Variants in FSTL5 observed in about 807,000 individuals in gnomAD.
FSTL5 encodes the protein follistatin-related protein 5.
A neutral mutation model predicts 89.1 loss-of-function variants in FSTL5; 62 were observed. That is an observed-to-expected ratio of 0.70 (90% confidence interval 0.57 to 0.86). The LOEUF (loss-of-function observed/expected upper bound fraction) is 0.86, where lower values mean the gene tolerates loss of function less well. FSTL5 is among the 40% of genes least tolerant of loss of function. The pLI, the probability that FSTL5 is intolerant of heterozygous loss-of-function variation, is 0.00. For missense variants in FSTL5, 1,057 were observed against 1,001.6 expected, an observed-to-expected ratio of 1.06 and a Z score of -0.75; for synonymous variants, 383 against 346.2, an observed-to-expected ratio of 1.11 and a Z score of -1.18.
chr4:161,892,189 G>T (rs1338588147), intron 4 of FSTL5, among the ~76,000 whole-genome samples: 1 of 151,890 alleles, frequency 6.6e-6, no homozygotes, highest in Non-Finnish European at 1.5e-5. Context: ...ACAACTATCA[G>T]CTTCAACCTC....
intron 15 of FSTL5, among the ~76,000 whole-genome samples, chr4:161,441,401 G>T (rs1732757379): frequency 6.6e-6 from 1 of 151,996 alleles, no homozygotes; most frequent in African/African-American, 2.4e-5. Context: ...ATAAAGTTCA[G>T]TTTACAAAAA....
chr4:161,500,425 T>C (rs988957942), intron 11 of FSTL5, among the ~76,000 whole-genome samples: 4 of 152,166 alleles, frequency 2.6e-5, no homozygotes, highest in Non-Finnish European at 5.9e-5. Flanking sequence ...TCTTGATACA[T>C]AGATTATCTT....
chr4:161,392,146 A>G (rs1443403843), intron 15 of FSTL5, among the ~76,000 whole-genome samples: 1 of 152,194 alleles, frequency 6.6e-6, no homozygotes, highest in African/African-American at 2.4e-5. Flanking sequence ...CCAGTTGCTT[A>G]ACAGGATTAG....
At chr4:161,585,521 TAA>T (rs1383268441) in intron 8 of FSTL5, among the ~76,000 whole-genome samples, 1 of 131,360 alleles carries the variant, frequency 7.6e-6, no homozygotes, top group African/African-American at 2.9e-5. Flanking sequence ...GGAATGAGGA[TAA>T]GAGATAAAAG....
intron 8 of FSTL5, among the ~76,000 whole-genome samples, chr4:161,570,495 G>T (rs185379254): frequency 2.0e-5 from 3 of 152,082 alleles, no homozygotes; most frequent in Non-Finnish European, 4.4e-5. Flanking sequence ...GAACATTTAC[G>T]GTTATTTAGG....
intron 2 of FSTL5, 149 bp from the exon 3 acceptor site, chr4:162,033,807 A>T (rs187244378): frequency 2.0e-6 from 1 of 508,572 alleles, no homozygotes; most frequent in Non-Finnish European, 3.4e-6. Context: ...TTTACATATA[A>T]TTTTTTTTTG....
chr4:161,524,260 G>A (rs1051443319), intron 10 of FSTL5, among the ~76,000 whole-genome samples: 2 of 151,132 alleles, frequency 1.3e-5, no homozygotes, highest in Non-Finnish European at 2.9e-5. Context: ...AGCCCACCCC[G>A]CCCACCACAA....
intron 3 of FSTL5, among the ~76,000 whole-genome samples, chr4:162,028,196 T>C (rs1186861094): frequency 6.6e-6 from 1 of 152,138 alleles, no homozygotes; most frequent in Non-Finnish European, 1.5e-5. Flanking sequence ...TAGACAAAAA[T>C]ACTTAATTTT....
At chr4:162,025,918 C>G (rs1390346310) in intron 3 of FSTL5, among the ~76,000 whole-genome samples, 3 of 151,386 alleles carry the variant, frequency 2.0e-5, no homozygotes, top group Non-Finnish European at 4.4e-5. Context: ...TTTCAAATAA[C>G]ATAAAAATAC....
intron 8 of FSTL5, among the ~76,000 whole-genome samples, chr4:161,586,220 C>T (rs967487613): frequency 6.6e-6 from 1 of 152,146 alleles, no homozygotes; most frequent in Non-Finnish European, 1.5e-5. Flanking sequence ...CCTAATTAAG[C>T]TCAGATTTAT....
At chr4:161,670,717 A>T (rs1186396911) in intron 6 of FSTL5, among the ~76,000 whole-genome samples, 3 of 152,206 alleles carry the variant, frequency 2.0e-5, no homozygotes, top group Non-Finnish European at 4.4e-5. Flanking sequence ...CAGCAAACAG[A>T]TGTAAAATAC....
In FSTL5 at chr4:161,656,333, T is replaced by C. The variant is rs1736515013; in HGVS notation, c.889A>G (p.Ile297Val). The C allele has an allele frequency of 3.2e-6, 5 of 1,541,206 alleles. No individual in the cohort carries two copies. The highest frequency in any genetic ancestry group is 4.4e-6 in the Non-Finnish European group (5 of 1,126,428). The change falls in exon 7 of 16, where the codon ATC becomes GTC. Residue 297 changes from isoleucine to valine, a missense_variant. By Grantham distance (29) the Ile-to-Val change is conservative. Transcript: ENST00000306100. ...AACTATATTTATGTACTCACATTGA[T>C]GTCTTCCAAATCTAAATTATTTAGA... ...IILNNLDLED[I>V]NDFGDDGSLY...
intron 4 of FSTL5, 94 bp downstream of exon 4, chr4:161,920,310 C>T: frequency 3.9e-6 from 5 of 1,272,958 alleles, no homozygotes; most frequent in Non-Finnish European, 5.5e-6. Flanking sequence ...CTTTTTAGAC[C>T]CTTGCTGATA....
intron 3 of FSTL5, among the ~76,000 whole-genome samples, chr4:161,973,191 G>A (rs756830353): frequency 1.1e-4 from 16 of 151,864 alleles, no homozygotes; most frequent in Admixed American, 3.3e-4. Context: ...TCTGTATTAC[G>A]TAGTGAAAGG....
Position 161,872,140 on chromosome 4 carries a change from G to GTTTTTTTTTT in FSTL5, c.409+48263_409+48264insAAAAAAAAAA, listed in dbSNP as rs1491313878. Among the ~76,000 whole-genome samples the GTTTTTTTTTT allele has an allele frequency of 1.0e-4, 7 of 67,488 alleles. 1 individual carries two copies. Among genetic ancestry groups the GTTTTTTTTTT allele is most frequent in the Admixed American group, 3.5e-4 (2 of 5,748 alleles). 44.3% of individuals were successfully genotyped at this position (67,488 alleles called of 152,430 possible). Reference sequence around the variant, plus strand: ...GGCTTTGTAGTTTGTTTTTTTTTTTGGTTTTTTTTTTTTTTTTTGTAGAGA... The same window carrying GTTTTTTTTTT: ...GGCTTTGTAGTTTGTTTTTTTTTTTGTTTTTTTTTTGTTTTTTTTTTTTTTTTTGTAGAGA... On this transcript the variant is annotated intron_variant, in intron 4 of 15. Coordinates refer to ENST00000306100, the MANE Select transcript of FSTL5 (RefSeq NM_020116.5).
At chr4:161,432,894 C>T (rs1405291581) in intron 15 of FSTL5, among the ~76,000 whole-genome samples, 1 of 151,744 alleles carries the variant, frequency 6.6e-6, no homozygotes, top group Non-Finnish European at 1.5e-5. Context: ...TAAATTCAAA[C>T]CTGAACATAC....
chr4:161,634,040 AT>A (rs1735599910), intron 7 of FSTL5, among the ~76,000 whole-genome samples: 1 of 152,234 alleles, frequency 6.6e-6, no homozygotes, highest in African/African-American at 2.4e-5. Context: ...ACAAATCAAC[AT>A]TCTTATTCAC....
intron 6 of FSTL5, among the ~76,000 whole-genome samples, chr4:161,713,720 T>C (rs1210860765): frequency 6.6e-6 from 1 of 152,110 alleles, no homozygotes; most frequent in Non-Finnish European, 1.5e-5. Flanking sequence ...TTATTCTCTA[T>C]ATGGTGTTTT....
chr4:161,948,128 A>C (rs1016585872), intron 3 of FSTL5, among the ~76,000 whole-genome samples: 7 of 151,734 alleles, frequency 4.6e-5, no homozygotes, highest in African/African-American at 1.7e-4. Context: ...AATTTAAAAA[A>C]AAAAAGCTGC....
Sources: gnomAD v4.1 joint callset for allele counts (sites outside exome capture counted in the v4.1 genomes callset) on GRCh38, gnomAD v4.1.1 for gene constraint, MANE v1.5 for transcripts, NCBI Gene and HGNC (gene_info 2026-07-23, HGNC 2026-07-21) for gene names.